The following PTPRE variants were observed in gnomAD, a reference collection of about 807,000 sequenced individuals.
PTPRE encodes receptor-type tyrosine-protein phosphatase epsilon.
PTPRE carries 51 observed loss-of-function variants against 102.0 expected under a neutral mutation model. The observed-to-expected ratio is 0.50, with a 90% CI of 0.40 to 0.63. The LOEUF is 0.63. Among genes scored for constraint, PTPRE ranks in the 30% least tolerant of loss-of-function variants. The pLI is 0.00. For missense variants in PTPRE, 752 were observed against 915.1 expected (o/e 0.82, Z 2.30); for synonymous variants, 345 against 348.2 (o/e 0.99, Z 0.10).
intron 6 of PTPRE, among the ~76,000 whole-genome samples, chr10:128,055,041 C>T (rs1590158992): frequency 6.6e-6 from 1 of 152,272 alleles, no homozygotes; most frequent in East Asian, 1.9e-4. Flanking sequence ...GGGGACCATC[C>T]TAGTATCACC....
chr10:128,049,510 T>C lies in PTPRE; in HGVS notation c.284-20T>C. 6.2e-7 allele frequency: 1 copy of C among 1,612,822 alleles called. No homozygotes were observed. Among genetic ancestry groups the C allele is most frequent in the South Asian group, 1.1e-5 (1 of 91,022 alleles). On this transcript the variant is annotated intron_variant, in intron 5 of 20. Coordinates refer to ENST00000254667, the MANE Select transcript of PTPRE (RefSeq NM_006504.6). ...CAGGAATGTGGCTAAATGGCCCCCA[T>C]GTTTCTTTTGATCCCACAGAGCAGC... is the stretch of plus-strand genomic sequence containing the variant.
At position 128,024,805 on chromosome 10, in the gene PTPRE, T is replaced by C. The variant is rs544886042; in HGVS notation, c.-7-16070T>C. On this transcript the variant is annotated intron_variant, in intron 2 of 20. Coordinates refer to ENST00000254667, the MANE Select transcript of PTPRE (RefSeq NM_006504.6). ...TTCTTTTGCTTTTTAAAAAATTATT[T>C]GATAAAATAAAGTTTGGTGTATAAT... Among the ~76,000 whole-genome samples the C allele has an allele frequency of 1.1e-4, 17 of 152,196 alleles. No individual in the cohort carries two copies. In the South Asian group the frequency reaches 3.3e-3, roughly 30 times the overall value.
At chr10:128,078,841 G>A (rs1211797740) in intron 19 of PTPRE, among the ~76,000 whole-genome samples, 1 of 152,232 alleles carries the variant, frequency 6.6e-6, no homozygotes, top group Non-Finnish European at 1.5e-5. Context: ...CAGGACAGGA[G>A]CCTTGGAATA....
At chr10:128,069,979 C>G (rs73388007) in intron 13 of PTPRE, 152 bp downstream of exon 13, 6 of 1,140,204 alleles carry the variant, frequency 5.3e-6, no homozygotes, top group East Asian at 2.5e-5. Context: ...TCCCTGCCCA[C>G]GCGTGGGACC....
At chr10:127,926,270 C>G (rs1219697455) in intron 1 of PTPRE, among the ~76,000 whole-genome samples, 1 of 152,172 alleles carries the variant, frequency 6.6e-6, no homozygotes, top group African/African-American at 2.4e-5. Flanking sequence ...CCACTGTAAT[C>G]AACTGTCTTT....
At chr10:128,035,765 A>G (rs1443795705) in intron 2 of PTPRE, among the ~76,000 whole-genome samples, 1 of 152,198 alleles carries the variant, frequency 6.6e-6, no homozygotes, top group Non-Finnish European at 1.5e-5. Flanking sequence ...GTAGGGCCAG[A>G]GGGGTCAGCT....
chr10:128,007,669 G>A (rs1346951331), intron 2 of PTPRE, among the ~76,000 whole-genome samples: 1 of 152,192 alleles, frequency 6.6e-6, no homozygotes, highest in African/African-American at 2.4e-5. Context: ...TTGAATTCAG[G>A]CTCTGCCGTT....
intron 2 of PTPRE, among the ~76,000 whole-genome samples, chr10:128,025,951 T>C (rs1238780493): frequency 2.6e-5 from 4 of 152,176 alleles, no homozygotes; most frequent in Admixed American, 2.6e-4. Flanking sequence ...ATGGCTGCCT[T>C]TCTTTGGCAG....
intron 1 of PTPRE, among the ~76,000 whole-genome samples, chr10:127,931,222 T>C (rs1339198577): frequency 1.3e-5 from 2 of 152,222 alleles, no homozygotes; most frequent in Non-Finnish European, 2.9e-5. Context: ...TATTTGTATA[T>C]AAAGTTGTTT....
chr10:128,011,599 T>C (rs985664892), intron 2 of PTPRE, among the ~76,000 whole-genome samples: 2 of 152,250 alleles, frequency 1.3e-5, no homozygotes, highest in African/African-American at 4.8e-5. Flanking sequence ...CCATCCCTAA[T>C]GCTTCCAAAT....
At position 128,077,757 on chromosome 10, in the gene PTPRE, C is replaced by A; in HGVS notation, c.1866C>A (p.Gly622=). 6.2e-7 allele frequency: 1 copy of A among 1,606,678 alleles called. No homozygotes were observed. The highest frequency in any genetic ancestry group is 8.5e-7 in the Non-Finnish European group (1 of 1,173,994). ...AAVQKQQQQT[G]NHPITVHCSA... ...TGCAGAAGCAGCAGCAGCAGACAGG[C>A]AACCACCCCATCACCGTGCACTGCA... The change falls in exon 19 of 21, where the codon GGC becomes GGA. Residue 622 remains glycine (G), a synonymous_variant. Coordinates refer to ENST00000254667, the MANE Select transcript of PTPRE (RefSeq NM_006504.6).
At chr10:128,038,443 G>A (rs1227966568) in intron 2 of PTPRE, among the ~76,000 whole-genome samples, 2 of 152,204 alleles carry the variant, frequency 1.3e-5, no homozygotes, top group Non-Finnish European at 2.9e-5. Context: ...TTAAGAAAAT[G>A]TGGCACATAT....
At chr10:127,985,135 G>A (rs527540786) in intron 2 of PTPRE, among the ~76,000 whole-genome samples, 4 of 152,242 alleles carry the variant, frequency 2.6e-5, no homozygotes, top group African/African-American at 7.2e-5. Flanking sequence ...CACAGCCACC[G>A]CCCACACTGG....
In PTPRE at chr10:128,062,644, C is replaced by A. The variant is rs1849707721; in HGVS notation, c.626-439C>A. 2.0e-5 allele frequency among the ~76,000 whole-genome samples: 3 copies of A among 152,212 alleles called. 1 individual carries two copies. The South Asian group carries it at 6.2e-4, about 32-fold the overall frequency. On this transcript the variant is annotated intron_variant, in intron 9 of 20. Transcript: ENST00000254667. Reference sequence around the variant, plus strand: ...GTGACACTTTGTCTGTTGTTCACATCCCCCTCCCGAGGGACTTTAGCTCAT... The same window carrying A: ...GTGACACTTTGTCTGTTGTTCACATACCCCTCCCGAGGGACTTTAGCTCAT...
intron 2 of PTPRE, among the ~76,000 whole-genome samples, chr10:128,022,388 G>A (rs926893151): frequency 2.6e-5 from 4 of 152,254 alleles, no homozygotes; most frequent in African/African-American, 7.2e-5. Context: ...CCTGAAGGGG[G>A]AATCCCAAGG....
rs142807523 is a variant in PTPRE at position 128,035,269 on chromosome 10, A to G, written c.-7-5606A>G. ...AAAAAAAGTTTTCTTAAAAACATAT[A>G]TATGTATATATATACACACACACAC... On this transcript the variant is annotated intron_variant, in intron 2 of 20. Transcript: ENST00000254667. Among the ~76,000 whole-genome samples the G allele has an allele frequency of 3.6e-3, 502 of 139,944 alleles. 1 individual carries two copies. The highest frequency in any genetic ancestry group is 0.012 in the African/African-American group (480 of 38,740). 91.8% of individuals were successfully genotyped at this position (139,944 alleles called of 152,430 possible).
intron 6 of PTPRE, among the ~76,000 whole-genome samples, chr10:128,054,499 G>A (rs1436581013): frequency 6.6e-6 from 1 of 152,092 alleles, no homozygotes; most frequent in African/African-American, 2.4e-5. Flanking sequence ...GTAGGTGCTG[G>A]TGGCTGGGGA....
intron 1 of PTPRE, among the ~76,000 whole-genome samples, chr10:127,946,090 G>A (rs1221304138): frequency 2.0e-5 from 3 of 152,088 alleles, no homozygotes; most frequent in Non-Finnish European, 4.4e-5. Context: ...GGAGGTGGCT[G>A]GAGAAGAAGG....
chr10:127,937,567 A>G (rs1274685287), intron 1 of PTPRE, among the ~76,000 whole-genome samples: 2 of 152,210 alleles, frequency 1.3e-5, no homozygotes, highest in African/African-American at 2.4e-5. Context: ...TTTTAAAATA[A>G]GCTACTTGTG....
Sources: allele counts gnomAD v4.1 joint callset (sites outside exome capture counted in the v4.1 genomes callset), GRCh38; gene constraint gnomAD v4.1.1; transcripts MANE v1.5; gene names NCBI Gene and HGNC (gene_info 2026-07-23, HGNC 2026-07-21).